The following IFT81 variants were observed in gnomAD, a reference collection of about 807,000 sequenced individuals.
IFT81 encodes the protein intraflagellar transport 81, also known as intraflagellar transport protein 81 homolog.
Under a neutral mutation model 102.6 loss-of-function variants are expected in IFT81, and 72 were observed. That is an observed-to-expected ratio of 0.70 (90% confidence interval 0.58 to 0.85). The LOEUF is 0.85. IFT81 is among the 40% of genes least tolerant of loss of function. The pLI is 0.00. For missense variants in IFT81, 723 were observed against 787.3 expected (o/e 0.92, Z 0.98); for synonymous variants, 237 against 242.7 (o/e 0.98, Z 0.22).
chr12:110,126,296 A>G (rs975820137), intron 1 of IFT81, among the ~76,000 whole-genome samples: 2 of 141,008 alleles, frequency 1.4e-5, no homozygotes, highest in African/African-American at 5.6e-5. Context: ...AAAAAAAAAA[A>G]GCACAAGATC....
At chr12:110,153,294 G>A (rs1311883506) in intron 10 of IFT81, among the ~76,000 whole-genome samples, 1 of 152,198 alleles carries the variant, frequency 6.6e-6, no homozygotes, top group African/African-American at 2.4e-5. Flanking sequence ...GAGTGCAATG[G>A]CGTGATCTCG....
intron 18 of IFT81, chr12:110,216,452 C>T (rs981864316): frequency 4.2e-5 from 19 of 452,326 alleles, no homozygotes; most frequent in African/African-American, 3.4e-4. Flanking sequence ...GCCTTGGCCT[C>T]CCAAAGTGCT....
At chr12:110,125,341 C>A (rs1893765955) in intron 1 of IFT81, among the ~76,000 whole-genome samples, 1 of 152,110 alleles carries the variant, frequency 6.6e-6, no homozygotes, top group Admixed American at 6.6e-5. Context: ...TATTTCTTAG[C>A]AATAATAATT....
chr12:110,201,524 G>A (rs188420407), intron 14 of IFT81, among the ~76,000 whole-genome samples: 325 of 151,916 alleles, frequency 2.1e-3, no homozygotes, highest in African/African-American at 7.6e-3. Context: ...TCAACCTCCC[G>A]GCCTCAAGCA....
intron 7 of IFT81, 102 bp downstream of exon 7, chr12:110,135,539 C>A: frequency 1.5e-6 from 1 of 666,784 alleles, no homozygotes; most frequent in Non-Finnish European, 2.6e-6. Context: ...GTTCACGTTC[C>A]TTTTGCTAAC....
At chr12:110,179,737 T>TAC (rs1284696995) in intron 11 of IFT81, among the ~76,000 whole-genome samples, 2 of 28,242 alleles carry the variant, frequency 7.1e-5, no homozygotes, top group African/African-American at 5.7e-4. Flanking sequence ...TATATATATA[T>TAC]ATATATATAT....
rs1374017537 is a variant in IFT81, at chr12:110,129,001, A to C, written c.300A>C (p.Pro100=). 6.2e-7 allele frequency: 1 copy of C among 1,613,380 alleles called. No homozygotes were observed. Among genetic ancestry groups the C allele is most frequent in the Non-Finnish European group, 8.5e-7 (1 of 1,179,780 alleles). ...TTGGAAGTAAACCTGTAATTTACCC[A>C]GTGCTCCACTGGCTTCTTCAGAGGA... ...LVIGSKPVIY[P]VLHWLLQRTN... is the part of the protein sequence containing the mutation. Residue 100 remains proline, a synonymous_variant, in exon 4 of 19, where the codon CCA becomes CCC. Transcript: ENST00000242591.
intron 10 of IFT81, among the ~76,000 whole-genome samples, chr12:110,155,788 A>G (rs1165399313): frequency 6.6e-6 from 1 of 151,232 alleles, no homozygotes; most frequent in Non-Finnish European, 1.5e-5. Context: ...TGTTTAGTTG[A>G]TTTTTTTATG....
intron 12 of IFT81, among the ~76,000 whole-genome samples, chr12:110,188,719 TC>T (rs1897661746): frequency 6.7e-6 from 1 of 149,464 alleles, no homozygotes; most frequent in South Asian, 2.1e-4. Flanking sequence ...GGTCAGGAGA[TC>T]AAGACCATCC....
intron 11 of IFT81, among the ~76,000 whole-genome samples, chr12:110,169,999 C>T (rs997342634): frequency 1.3e-5 from 2 of 152,012 alleles, no homozygotes; most frequent in African/African-American, 4.8e-5. Context: ...GTTGCCCAGG[C>T]TGGAGTGCAG....
intron 11 of IFT81, chr12:110,167,896 G>T: frequency 3.9e-6 from 1 of 255,964 alleles, no homozygotes; most frequent in Non-Finnish European, 7.5e-6. Context: ...CTGTCACCCA[G>T]GCTGGAGTGC....
chr12:110,209,947 TG>T (rs1869195325), intron 18 of IFT81, among the ~76,000 whole-genome samples: 1 of 152,134 alleles, frequency 6.6e-6, no homozygotes, highest in South Asian at 2.1e-4. Flanking sequence ...AGCTCCCTCC[TG>T]CCAGAGTTAT....
intron 14 of IFT81, among the ~76,000 whole-genome samples, chr12:110,201,222 G>A (rs1466019340): frequency 6.6e-6 from 1 of 151,876 alleles, no homozygotes; most frequent in Non-Finnish European, 1.5e-5. Context: ...GGCCAACATG[G>A]TGAAACCTTG....
At chr12:110,143,149 G>A (rs1894998029) in intron 8 of IFT81, among the ~76,000 whole-genome samples, 1 of 151,984 alleles carries the variant, frequency 6.6e-6, no homozygotes, top group East Asian at 1.9e-4. Context: ...GGTCATAATA[G>A]CACTTTTTCT....
intron 4 of IFT81, among the ~76,000 whole-genome samples, chr12:110,130,136 TAG>T (rs1435903463): frequency 1.3e-5 from 2 of 152,212 alleles, no homozygotes; most frequent in Admixed American, 1.3e-4. Context: ...TAACTCAAAA[TAG>T]AGTCAATATT....
chr12:110,182,926 G>A (rs190585542), intron 12 of IFT81, among the ~76,000 whole-genome samples: 68 of 152,238 alleles, frequency 4.5e-4, no homozygotes, highest in South Asian at 8.3e-4. Context: ...TTTCTATCGG[G>A]AACATAGCAC....
At chr12:110,132,970 CTTTTTTT>C (rs11349893) in intron 5 of IFT81, among the ~76,000 whole-genome samples, 1 of 124,956 alleles carries the variant, frequency 8.0e-6, no homozygotes, top group East Asian at 2.1e-4. Context: ...CTTTCTCTCT[CTTTTTTT>C]TTTTTTTTTT....
At chr12:110,162,612 G>A (rs905556777) in intron 10 of IFT81, 2 of 208,460 alleles carry the variant, frequency 9.6e-6, no homozygotes, top group Admixed American at 1.1e-4. Flanking sequence ...TGAGATTACA[G>A]GTTTGAGCCA....
chr12:110,128,840 T>G, intron 3 of IFT81, 110 bp from the exon 4 acceptor site: 1 of 752,908 alleles, frequency 1.3e-6, no homozygotes, highest in South Asian at 2.0e-5. Flanking sequence ...TTTTAAAAAG[T>G]TACAGAAAGC....
Sources: allele counts gnomAD v4.1 joint callset (sites outside exome capture counted in the v4.1 genomes callset), GRCh38; gene constraint gnomAD v4.1.1; transcripts MANE v1.5; gene names NCBI Gene and HGNC (gene_info 2026-07-23, HGNC 2026-07-21).